The following CNTNAP5 variants were observed in gnomAD, a reference collection of about 807,000 sequenced individuals.
CNTNAP5 encodes the protein contactin associated protein family member 5, also known as contactin-associated protein-like 5.
In CNTNAP5, 72 loss-of-function variants were observed where a neutral mutation model predicts 150.2. That is an observed-to-expected ratio of 0.48 (90% CI 0.40 to 0.58). The LOEUF is 0.58. Among genes scored for constraint, CNTNAP5 ranks in the 20% least tolerant of loss-of-function variants. The pLI, the probability that CNTNAP5 is intolerant of heterozygous loss-of-function variation, is 0.00. For missense variants in CNTNAP5, 1,636 were observed against 1,626.2 expected, an observed-to-expected ratio of 1.01 and a Z score of -0.10; for synonymous variants, 672 against 619.8, an observed-to-expected ratio of 1.08 and a Z score of -1.25.
intron 13 of CNTNAP5, among the ~76,000 whole-genome samples, chr2:124,713,210 T>C (rs1186492785): frequency 8.0e-6 from 1 of 124,376 alleles, no homozygotes; most frequent in Non-Finnish European, 1.8e-5. Context: ...TCCCTTCCTT[T>C]CTTTCTCTGT....
intron 12 of CNTNAP5, among the ~76,000 whole-genome samples, chr2:124,618,955 A>T (rs1027083503): frequency 6.6e-6 from 1 of 152,192 alleles, no homozygotes; most frequent in Non-Finnish European, 1.5e-5. Context: ...AGAAACACAC[A>T]CTGAATAAGA....
At chr2:124,388,504 A>T (rs1321797332) in intron 3 of CNTNAP5, among the ~76,000 whole-genome samples, 1 of 152,166 alleles carries the variant, frequency 6.6e-6, no homozygotes. Flanking sequence ...GCCTTAACTT[A>T]TGCATCAATT....
chr2:124,221,618 G>A, intron 1 of CNTNAP5, 87 bp from the exon 2 acceptor site: 2 of 854,514 alleles, frequency 2.3e-6, no homozygotes, highest in South Asian at 1.5e-5. Context: ...ATAAATGATG[G>A]TAGTTAATTT....
chr2:124,808,799 T>C (rs548298610), intron 19 of CNTNAP5, among the ~76,000 whole-genome samples: 3 of 152,184 alleles, frequency 2.0e-5, no homozygotes, highest in African/African-American at 7.2e-5. Context: ...GCAAGTTCTT[T>C]TTCACTTCCA....
intron 3 of CNTNAP5, among the ~76,000 whole-genome samples, chr2:124,298,414 CA>C (rs1573899871): frequency 6.6e-6 from 1 of 152,222 alleles, no homozygotes; most frequent in East Asian, 1.9e-4. Context: ...CAGACCAACT[CA>C]AAATTACGAA....
At chr2:124,516,113 C>G (rs1348059610) in intron 8 of CNTNAP5, among the ~76,000 whole-genome samples, 1 of 152,060 alleles carries the variant, frequency 6.6e-6, no homozygotes, top group African/African-American at 2.4e-5. Flanking sequence ...CTCAATCTAC[C>G]ATAAGTAGGG....
At chr2:124,798,414 T>C (rs1052727493) in intron 19 of CNTNAP5, 94 bp downstream of exon 19, 1 of 901,174 alleles carries the variant, frequency 1.1e-6, no homozygotes, top group Non-Finnish European at 1.8e-6. Flanking sequence ...CAACCTCAAG[T>C]TGGTCCCATC....
intron 3 of CNTNAP5, among the ~76,000 whole-genome samples, chr2:124,258,704 A>T (rs937569428): frequency 2.0e-5 from 3 of 152,288 alleles, no homozygotes; most frequent in African/African-American, 2.4e-5. Flanking sequence ...ACTTAAAAAG[A>T]ATCCACTGGA....
chr2:124,798,840 CT>C (rs70999219), intron 19 of CNTNAP5, among the ~76,000 whole-genome samples: 4 of 150,880 alleles, frequency 2.7e-5, no homozygotes, highest in South Asian at 4.2e-4. Context: ...TTTTTTCAGG[CT>C]TTTTTTTTAA....
chr2:124,370,333 G>A (rs1690492706), intron 3 of CNTNAP5, among the ~76,000 whole-genome samples: 1 of 152,118 alleles, frequency 6.6e-6, no homozygotes, highest in Non-Finnish European at 1.5e-5. Flanking sequence ...GAGGGAAGAT[G>A]AGGGCTTCCA....
At chr2:124,394,017 C>T (rs1031148770) in intron 3 of CNTNAP5, among the ~76,000 whole-genome samples, 3 of 152,038 alleles carry the variant, frequency 2.0e-5, no homozygotes, top group Non-Finnish European at 4.4e-5. Flanking sequence ...TATCAGTCAT[C>T]GTTTACACAT....
rs529266046 is a variant in CNTNAP5 at position 124,394,874 on chromosome 2, G to A, written c.382-22569G>A. On this transcript the variant is annotated intron_variant, in intron 3 of 23. Coordinates refer to ENST00000682447, the MANE Select transcript of CNTNAP5 (RefSeq NM_001367498.1). Reference sequence around the variant, plus strand: ...GGGAATCTTGTGAAGCTCCAATTCAGGCTTAATATCCCACTAAAGTATCAG... The same window carrying A: ...GGGAATCTTGTGAAGCTCCAATTCAAGCTTAATATCCCACTAAAGTATCAG... Among the ~76,000 whole-genome samples, 6 of 152,180 alleles carry A rather than the reference G, an allele frequency of 3.9e-5. No homozygotes were observed. In the South Asian group the frequency reaches 1.2e-3, roughly 32 times the overall value.
chr2:124,705,973 A>C (rs1679628967), intron 13 of CNTNAP5, among the ~76,000 whole-genome samples: 1 of 152,178 alleles, frequency 6.6e-6, no homozygotes, highest in African/African-American at 2.4e-5. Context: ...GCCTCTGATC[A>C]TCACAGGCAA....
chr2:124,839,471 T>G (rs1344591899), intron 19 of CNTNAP5, among the ~76,000 whole-genome samples: 2 of 151,490 alleles, frequency 1.3e-5, no homozygotes, highest in East Asian at 3.9e-4. Flanking sequence ...CTCTTTACTC[T>G]CCTATGGCCT....
At chr2:124,796,269 GCCCATAT>G (rs1174591418) in intron 18 of CNTNAP5, among the ~76,000 whole-genome samples, 1 of 152,070 alleles carries the variant, frequency 6.6e-6, no homozygotes, top group East Asian at 1.9e-4. Context: ...TCCTGTATAT[GCCCATAT>G]CTATGTTATT....
intron 13 of CNTNAP5, among the ~76,000 whole-genome samples, chr2:124,665,655 G>C (rs1678683137): frequency 6.6e-6 from 1 of 152,178 alleles, no homozygotes; most frequent in Non-Finnish European, 1.5e-5. Flanking sequence ...GGGAGGCCGA[G>C]ACCGGCAGAT....
chr2:124,260,961 A>C (rs990609707), intron 3 of CNTNAP5, among the ~76,000 whole-genome samples: 2 of 152,172 alleles, frequency 1.3e-5, no homozygotes, highest in Admixed American at 6.6e-5. Flanking sequence ...TTCCCTTTTA[A>C]TATGTCATTT....
chr2:124,455,834 T>C (rs778044413), intron 6 of CNTNAP5, among the ~76,000 whole-genome samples: 20 of 152,132 alleles, frequency 1.3e-4, no homozygotes, highest in Non-Finnish European at 2.8e-4. Flanking sequence ...TCTCAAAAGA[T>C]GCAGAAAAGG....
chr2:124,461,062 C>T (rs1044414393), intron 6 of CNTNAP5, among the ~76,000 whole-genome samples: 3 of 152,044 alleles, frequency 2.0e-5, no homozygotes, highest in Non-Finnish European at 4.4e-5. Flanking sequence ...AATAGGAACA[C>T]TTTTACACTG....
Sources: allele counts gnomAD v4.1 joint callset (sites outside exome capture counted in the v4.1 genomes callset), GRCh38; gene constraint gnomAD v4.1.1; transcripts MANE v1.5; gene names NCBI Gene and HGNC (gene_info 2026-07-23, HGNC 2026-07-21).